ASTN1: variants seen among roughly 807,000 people sequenced by gnomAD.
ASTN1 encodes astrotactin-1.
In ASTN1, 41 loss-of-function variants were observed where a neutral mutation model predicts 140.7. The observed-to-expected ratio is 0.29, with a 90% confidence interval of 0.23 to 0.38. The LOEUF (loss-of-function observed/expected upper bound fraction) is 0.38, where lower values mean the gene tolerates loss of function less well. ASTN1 is among the 10% of genes least tolerant of loss of function. The pLI is 1.00. For missense variants in ASTN1, 1,479 were observed against 1,678.8 expected, an observed-to-expected ratio of 0.88 and a Z score of 2.08; for synonymous variants, 640 against 652.2, an observed-to-expected ratio of 0.98 and a Z score of 0.29.
intron 8 of ASTN1, among the ~76,000 whole-genome samples, chr1:176,984,113 C>A (rs890241140): frequency 1.3e-5 from 2 of 152,192 alleles, no homozygotes; most frequent in Non-Finnish European, 2.9e-5. Flanking sequence ...GTCCTCCATA[C>A]CTCATCGATA....
At chr1:176,999,698 CAT>C (rs113011121) in intron 8 of ASTN1, among the ~76,000 whole-genome samples, 4,113 of 152,200 alleles carry the variant, frequency 0.027, 191 homozygotes, top group African/African-American at 0.088. Flanking sequence ...AAAATACACA[CAT>C]GTCAGTATGG....
chr1:177,090,231 C>T (rs575233366), intron 1 of ASTN1, among the ~76,000 whole-genome samples: 2 of 151,728 alleles, frequency 1.3e-5, no homozygotes, highest in African/African-American at 4.8e-5. Context: ...TACCCACACA[C>T]AGTACCCTGT....
chr1:177,139,010 G>A (rs1227404148), intron 1 of ASTN1, among the ~76,000 whole-genome samples: 1 of 152,184 alleles, frequency 6.6e-6, no homozygotes. Context: ...ATTGAGGAAG[G>A]AAAAGAGAGT....
At chr1:177,057,174 A>G (rs1677846620) in intron 2 of ASTN1, among the ~76,000 whole-genome samples, 1 of 152,210 alleles carries the variant, frequency 6.6e-6, no homozygotes, top group Admixed American at 6.5e-5. Flanking sequence ...TTTGGAAAAA[A>G]TAATTCAAAA....
rs1259697596 is a variant in ASTN1 at position 176,934,351 on chromosome 1, G to A, written c.2483-11C>T. ...GAGCATTGCTGAGGGCTATGGAGAG[G>A]CATCACCCAAGGGTAAGAATGAGGG... On this transcript the variant is annotated splice_polypyrimidine_tract_variant and intron_variant, in intron 15 of 22. Transcript: ENST00000361833. The A allele has an allele frequency of 6.3e-7, 1 of 1,596,636 alleles. No homozygotes were observed. The highest frequency in any genetic ancestry group is 1.3e-5 in the African/African-American group (1 of 74,648).
intron 8 of ASTN1, among the ~76,000 whole-genome samples, chr1:177,005,192 TA>T (rs975792353): frequency 3.3e-5 from 5 of 151,750 alleles, no homozygotes; most frequent in South Asian, 2.1e-4. Context: ...TTGACATATT[TA>T]AAAAAAATAC....
chr1:176,890,295 G>A (rs377132189), intron 17 of ASTN1, among the ~76,000 whole-genome samples: 3 of 152,242 alleles, frequency 2.0e-5, no homozygotes, highest in Admixed American at 6.5e-5. Context: ...AAGGGTACGC[G>A]GAGGCCTCTA....
chr1:177,054,501 G>A (rs1017366411), intron 2 of ASTN1, among the ~76,000 whole-genome samples: 4 of 152,334 alleles, frequency 2.6e-5, no homozygotes, highest in Admixed American at 6.5e-5. Context: ...TGACCTGTGC[G>A]TGGAGCAGGA....
chr1:176,909,261 C>A (rs1246100707), intron 16 of ASTN1, among the ~76,000 whole-genome samples: 3 of 152,210 alleles, frequency 2.0e-5, no homozygotes, highest in Non-Finnish European at 4.4e-5. Flanking sequence ...ATGTTAAATG[C>A]ATAACTAGTT....
intron 22 of ASTN1, among the ~76,000 whole-genome samples, chr1:176,867,398 A>G (rs1297938541): frequency 6.6e-6 from 1 of 152,052 alleles, no homozygotes; most frequent in African/African-American, 2.4e-5. Flanking sequence ...ACAGTTAGAG[A>G]ATGGAGTTGA....
At position 176,864,107 on chromosome 1, in the gene ASTN1, G is replaced by C; in HGVS notation, c.*177C>G. 1 of 1,438,362 alleles carries C rather than the reference G, an allele frequency of 7.0e-7. No individual in the cohort carries two copies. Among genetic ancestry groups the C allele is most frequent in the South Asian group, 1.5e-5 (1 of 65,896 alleles). 89.1% of individuals were successfully genotyped at this position (1,438,362 alleles called of 1,614,324 possible). A position where few individuals can be genotyped will look rare whatever the true frequency, so the allele number is the denominator to read the frequency against. The stretch of plus-strand genomic sequence containing the variant: ...GGCAGATTTCCCAATCATGCAGATG[G>C]AGAACATCATACTGAAGAAGTTCTG... On this transcript the variant is annotated 3_prime_UTR_variant, in exon 23 of 23. Coordinates refer to ENST00000361833, the MANE Select transcript of ASTN1 (RefSeq NM_004319.3).
chr1:176,872,009 C>T (rs1294048292), intron 21 of ASTN1, among the ~76,000 whole-genome samples: 2 of 152,094 alleles, frequency 1.3e-5, no homozygotes, highest in Non-Finnish European at 2.9e-5. Flanking sequence ...GGTAAATTGG[C>T]TGAGACTGAG....
chr1:177,140,505 C>T (rs1338286500), intron 1 of ASTN1, among the ~76,000 whole-genome samples: 1 of 152,198 alleles, frequency 6.6e-6, no homozygotes, highest in Admixed American at 6.5e-5. Context: ...CATGTATCAG[C>T]TCACAGATAA....
intron 8 of ASTN1, among the ~76,000 whole-genome samples, chr1:177,001,031 G>C (rs888370381): frequency 6.6e-6 from 1 of 152,166 alleles, no homozygotes; most frequent in African/African-American, 2.4e-5. Flanking sequence ...GATCCAATTA[G>C]GTTCAGAAAA....
intron 1 of ASTN1, among the ~76,000 whole-genome samples, chr1:177,075,058 T>A (rs2102062875): frequency 6.6e-6 from 1 of 152,260 alleles, no homozygotes. Flanking sequence ...AATAATCTAT[T>A]AAATTCTTCC....
intron 11 of ASTN1, among the ~76,000 whole-genome samples, chr1:176,950,686 G>T (rs4652210): frequency 0.1 from 15,424 of 151,824 alleles, 1,522 homozygotes; most frequent in African/African-American, 0.26. Context: ...TAGGCTGGAA[G>T]CAGGTAAATA....
intron 2 of ASTN1, among the ~76,000 whole-genome samples, chr1:177,035,761 G>C (rs1457308530): frequency 1.3e-5 from 2 of 152,182 alleles, no homozygotes; most frequent in African/African-American, 4.8e-5. Context: ...GAACTAGACA[G>C]TGCAGAACTG....
At chr1:176,977,544 G>T (rs1441526304) in intron 8 of ASTN1, among the ~76,000 whole-genome samples, 1 of 152,210 alleles carries the variant, frequency 6.6e-6, no homozygotes, top group African/African-American at 2.4e-5. Context: ...ATGAAACAAG[G>T]ATGGCAAGTA....
At chr1:176,976,633 T>G (rs1370764904) in intron 8 of ASTN1, 1 of 152,258 alleles carries the variant, frequency 6.6e-6, no homozygotes, top group South Asian at 2.1e-4. Context: ...ATTTGACCTT[T>G]CCAAGCTTCA....
Sources: allele counts gnomAD v4.1 joint callset (sites outside exome capture counted in the v4.1 genomes callset), GRCh38; gene constraint gnomAD v4.1.1; transcripts MANE v1.5; gene names NCBI Gene and HGNC (gene_info 2026-07-23, HGNC 2026-07-21).